The following LRMDA variants were observed in gnomAD, a reference collection of about 807,000 sequenced individuals.
The protein encoded by LRMDA is leucine-rich melanocyte differentiation-associated protein.
In LRMDA, 18 loss-of-function variants were observed where a neutral mutation model predicts 29.8. That is an observed-to-expected ratio of 0.60 (90% confidence interval 0.42 to 0.90). LRMDA has a LOEUF of 0.90. Ranked by LOEUF, LRMDA falls within the 40% of genes least tolerant of loss-of-function variation. The pLI is 0.00. For missense variants in LRMDA, 273 were observed against 273.9 expected, an observed-to-expected ratio of 1.00 and a Z score of 0.02; for synonymous variants, 125 against 109.4, an observed-to-expected ratio of 1.14 and a Z score of -0.89.
chr10:75,484,123 T>C (rs910591482), intron 2 of LRMDA, among the ~76,000 whole-genome samples: 1 of 152,054 alleles, frequency 6.6e-6, no homozygotes, highest in African/African-American at 2.4e-5. Flanking sequence ...ACCTGGCTAA[T>C]TTTTGTATTT....
intron 5 of LRMDA, among the ~76,000 whole-genome samples, chr10:76,197,513 G>A (rs1851350470): frequency 6.6e-6 from 1 of 152,166 alleles, no homozygotes; most frequent in African/African-American, 2.4e-5. Flanking sequence ...TTGATTTTCA[G>A]TACTGGCGGT....
intron 2 of LRMDA, among the ~76,000 whole-genome samples, chr10:75,785,646 A>T (rs990610593): frequency 6.6e-6 from 1 of 152,210 alleles, no homozygotes; most frequent in Admixed American, 6.5e-5. Context: ...TGGAGTCCAC[A>T]TTGGGTGTGA....
At chr10:75,981,320 C>T (rs938451376) in intron 2 of LRMDA, among the ~76,000 whole-genome samples, 2 of 152,210 alleles carry the variant, frequency 1.3e-5, no homozygotes, top group Non-Finnish European at 2.9e-5. Flanking sequence ...GCTCTACTCT[C>T]TGCCAGGTGC....
chr10:76,378,569 G>A (rs1043352468), intron 6 of LRMDA, among the ~76,000 whole-genome samples: 2 of 151,968 alleles, frequency 1.3e-5, no homozygotes, highest in Admixed American at 6.6e-5. Context: ...TTTCTAGTTT[G>A]TTGAGGGTTT....
intron 2 of LRMDA, among the ~76,000 whole-genome samples, chr10:75,514,939 G>A (rs906511831): frequency 6.6e-6 from 1 of 152,040 alleles, no homozygotes; most frequent in African/African-American, 2.4e-5. Flanking sequence ...CCTTTCCGAT[G>A]ACTCTTTAGA....
intron 5 of LRMDA, among the ~76,000 whole-genome samples, chr10:76,135,830 A>AT (rs1004420335): frequency 6.7e-6 from 1 of 149,424 alleles, no homozygotes; most frequent in African/African-American, 2.5e-5. Flanking sequence ...TAATGACCTT[A>AT]TGTTAAATTG....
chr10:76,475,564 A>G (rs1412607366), intron 6 of LRMDA, among the ~76,000 whole-genome samples: 1 of 152,132 alleles, frequency 6.6e-6, no homozygotes, highest in East Asian at 1.9e-4. Context: ...AGACATCTAC[A>G]GAACTCTCCA....
intron 6 of LRMDA, among the ~76,000 whole-genome samples, chr10:76,487,478 TGGA>T (rs1842793508): frequency 6.6e-6 from 1 of 151,886 alleles, no homozygotes; most frequent in Non-Finnish European, 1.5e-5. Flanking sequence ...GGAAGTATTT[TGGA>T]TGCATGTGAG....
chr10:75,587,151 G>T lies in LRMDA; in HGVS notation c.131+148657G>T, dbSNP rs147052124. ...ATTTTGAGTTGATTTTGTGTGTGTGGTGTCAGATAATCCAGTATTTATATT... is the reference window on the plus strand; with the variant it reads ...ATTTTGAGTTGATTTTGTGTGTGTGTTGTCAGATAATCCAGTATTTATATT... On this transcript the variant is annotated intron_variant, in intron 2 of 6. Coordinates refer to ENST00000611255, the MANE Select transcript of LRMDA (RefSeq NM_001305581.2). Among the ~76,000 whole-genome samples the T allele has an allele frequency of 7.2e-3, 1,092 of 152,230 alleles. 18 individuals are homozygous for T. Among genetic ancestry groups the T allele is most frequent in the African/African-American group, 0.024 (1,016 of 41,524 alleles).
intron 2 of LRMDA, among the ~76,000 whole-genome samples, chr10:75,883,806 G>A (rs1183132542): frequency 6.6e-6 from 1 of 151,324 alleles, no homozygotes; most frequent in South Asian, 2.1e-4. Flanking sequence ...GACAATAGAT[G>A]TGTGTCTTCT....
At position 76,258,431 on chromosome 10, in the gene LRMDA, C is replaced by T. The variant is rs540699420; in HGVS notation, c.517-65970C>T. Among the ~76,000 whole-genome samples, 9 of 152,192 alleles carry T rather than the reference C, an allele frequency of 5.9e-5. 1 individual carries two copies. Among genetic ancestry groups the T allele is most frequent in the African/African-American group, 1.7e-4 (7 of 41,550 alleles). On this transcript the variant is annotated intron_variant, in intron 5 of 6. Coordinates refer to ENST00000611255, the MANE Select transcript of LRMDA (RefSeq NM_001305581.2). ...TCAGTGTAATTAGCATATCCCTCAT[C>T]GCAAACATTTTTCATTTCTTTATGT...
At chr10:76,024,262 C>T (rs1848025150) in intron 2 of LRMDA, among the ~76,000 whole-genome samples, 1 of 152,190 alleles carries the variant, frequency 6.6e-6, no homozygotes, top group African/African-American at 2.4e-5. Context: ...AGCCTTGGTT[C>T]AGTGCTGGGA....
At chr10:75,892,979 A>G (rs983176144) in intron 2 of LRMDA, among the ~76,000 whole-genome samples, 4 of 152,224 alleles carry the variant, frequency 2.6e-5, no homozygotes, top group Non-Finnish European at 5.9e-5. Flanking sequence ...GTTAGATGTC[A>G]TAAATGCATG....
At chr10:76,485,501 G>A (rs1018463689) in intron 6 of LRMDA, among the ~76,000 whole-genome samples, 1 of 151,828 alleles carries the variant, frequency 6.6e-6, no homozygotes, top group African/African-American at 2.4e-5. Flanking sequence ...ACCGAATACA[G>A]TGCTACTATT....
intron 6 of LRMDA, among the ~76,000 whole-genome samples, chr10:76,460,765 T>A (rs1398334894): frequency 6.6e-6 from 1 of 152,140 alleles, no homozygotes; most frequent in African/African-American, 2.4e-5. Flanking sequence ...CTCCAAAACC[T>A]CTAAGGAAAG....
At chr10:76,244,050 G>T (rs757828013) in intron 5 of LRMDA, among the ~76,000 whole-genome samples, 19 of 152,174 alleles carry the variant, frequency 1.2e-4, no homozygotes, top group Non-Finnish European at 2.2e-4. Flanking sequence ...TTAGGGAATA[G>T]ATTTCTGTTG....
intron 5 of LRMDA, among the ~76,000 whole-genome samples, chr10:76,118,398 G>T (rs1276626062): frequency 6.6e-6 from 1 of 152,154 alleles, no homozygotes; most frequent in Non-Finnish European, 1.5e-5. Flanking sequence ...TCTATATTAA[G>T]ATATAGTGTG....
At chr10:75,442,685 TG>T (rs1439649704) in intron 2 of LRMDA, among the ~76,000 whole-genome samples, 2 of 152,202 alleles carry the variant, frequency 1.3e-5, no homozygotes, top group African/African-American at 4.8e-5. Flanking sequence ...TCAGGTAGTG[TG>T]ATGCCTCTAG....
Position 76,330,361 on chromosome 10 carries a change from A to G in LRMDA, c.601+5876A>G, listed in dbSNP as rs780459716. 2.0e-5 allele frequency among the ~76,000 whole-genome samples: 3 copies of G among 152,180 alleles called. No homozygotes were observed. The South Asian group carries it at 6.2e-4, about 31-fold the overall frequency. On this transcript the variant is annotated intron_variant, in intron 6 of 6. Transcript: ENST00000611255. The stretch of plus-strand genomic sequence containing the variant: ...GTAGAAACATGGTTAGACAAAGGGT[A>G]TGATCTAATGGGAATAGATTGAGGG...
Sources: allele counts gnomAD v4.1 joint callset (sites outside exome capture counted in the v4.1 genomes callset), GRCh38; gene constraint gnomAD v4.1.1; transcripts MANE v1.5; gene names NCBI Gene and HGNC (gene_info 2026-07-23, HGNC 2026-07-21).